SLC71A2: variants seen among roughly 807,000 people sequenced by gnomAD.
The protein encoded by SLC71A2 is solute carrier family 71 member 2.
At chr9:94,411,152 A>T in the SLC71A2 span, among the ~76,000 whole-genome samples, 1 of 148,956 alleles carries the variant, frequency 6.7e-6, no homozygotes, top group African/African-American at 2.5e-5. Context: ...TGTTAATGAG[A>T]CTGTAAGTTC....
At chr9:94,386,639 T>C in the SLC71A2 span, among the ~76,000 whole-genome samples, 1 of 152,130 alleles carries the variant, frequency 6.6e-6, no homozygotes, top group Non-Finnish European at 1.5e-5. Flanking sequence ...CCATTAGCTC[T>C]CACTTTCATG....
chr9:94,403,749 A>G, the SLC71A2 span, among the ~76,000 whole-genome samples: 2 of 152,090 alleles, frequency 1.3e-5, no homozygotes, highest in African/African-American at 2.4e-5. Context: ...CTGCCAAACC[A>G]TTTTCCATAG....
chr9:94,436,179 A>G, the SLC71A2 span, among the ~76,000 whole-genome samples: 1 of 152,082 alleles, frequency 6.6e-6, no homozygotes, highest in East Asian at 1.9e-4. Context: ...AATATTTTTC[A>G]TCCATGATTG....
At chr9:94,414,239 C>T in the SLC71A2 span, among the ~76,000 whole-genome samples, 1 of 152,248 alleles carries the variant, frequency 6.6e-6, no homozygotes, top group East Asian at 1.9e-4. Flanking sequence ...TTAAAAAGTT[C>T]ACTCTGAGTG....
the SLC71A2 span, chr9:94,441,196 C>T: frequency 3.5e-6 from 2 of 569,750 alleles, no homozygotes; most frequent in East Asian, 3.1e-5. Context: ...CTTTCTTGCA[C>T]TGCTGTAAAG....
chr9:94,404,501 G>C, the SLC71A2 span, among the ~76,000 whole-genome samples: 51 of 152,088 alleles, frequency 3.4e-4, no homozygotes, highest in African/African-American at 1.2e-3. Flanking sequence ...TCACCATGTT[G>C]GCCAGGGTGG....
At chr9:94,440,848 G>C in the SLC71A2 span, 1 of 429,542 alleles carries the variant, frequency 2.3e-6, no homozygotes, top group South Asian at 5.6e-5. Context: ...AATTTTTTTT[G>C]ATATATTTAA....
the SLC71A2 span, among the ~76,000 whole-genome samples, chr9:94,422,523 A>G: frequency 6.6e-6 from 1 of 152,172 alleles, no homozygotes; most frequent in Non-Finnish European, 1.5e-5. Context: ...TTCTTGGGGT[A>G]TATATCTGGG....
chr9:94,378,126 CA>C, the SLC71A2 span, among the ~76,000 whole-genome samples: 109 of 141,326 alleles, frequency 7.7e-4, no homozygotes, highest in African/African-American at 9.2e-4. Flanking sequence ...ACTCCATTTC[CA>C]AAAAAAAAAA....
At chr9:94,453,573 C>T in the SLC71A2 span, among the ~76,000 whole-genome samples, 1 of 152,326 alleles carries the variant, frequency 6.6e-6, no homozygotes, top group South Asian at 2.1e-4. Context: ...AGCAGAAGCT[C>T]TCATATTCTG....
At chr9:94,436,533 TAATC>T in the SLC71A2 span, among the ~76,000 whole-genome samples, 2 of 152,232 alleles carry the variant, frequency 1.3e-5, no homozygotes, top group Non-Finnish European at 2.9e-5. Flanking sequence ...GTATTAATAA[TAATC>T]CTTCTTTTGT....
the SLC71A2 span, among the ~76,000 whole-genome samples, chr9:94,390,458 G>A: frequency 3.3e-5 from 5 of 151,108 alleles, no homozygotes; most frequent in Admixed American, 2.6e-4. Context: ...GTCATTTAGA[G>A]AGGGATATGT....
At chr9:94,452,636 CAT>C in the SLC71A2 span, among the ~76,000 whole-genome samples, 1 of 81,632 alleles carries the variant, frequency 1.2e-5, no homozygotes, top group Non-Finnish European at 2.2e-5. Context: ...TATATATTTT[CAT>C]ATATATATTC....
At chr9:94,446,944 G>A in the SLC71A2 span, 9 of 1,348,066 alleles carry the variant, frequency 6.7e-6, no homozygotes, top group Non-Finnish European at 9.6e-6. Context: ...CAGGTGAGTA[G>A]TGAGTGGCTA....
the SLC71A2 span, among the ~76,000 whole-genome samples, chr9:94,377,468 C>G: frequency 6.8e-6 from 1 of 148,106 alleles, no homozygotes; most frequent in Admixed American, 6.7e-5. Flanking sequence ...TTCTTGGGCT[C>G]AAGCAGTCCT....
At chr9:94,439,662 G>A in the SLC71A2 span, among the ~76,000 whole-genome samples, 2 of 151,246 alleles carry the variant, frequency 1.3e-5, no homozygotes, top group South Asian at 4.2e-4. Context: ...TATTTTCTAC[G>A]AGTTGAAGAA....
chr9:94,422,172 T>C, the SLC71A2 span, among the ~76,000 whole-genome samples: 1 of 152,188 alleles, frequency 6.6e-6, no homozygotes, highest in Admixed American at 6.5e-5. Context: ...TGCCTGGCCA[T>C]TGTTACAGTT....
At chr9:94,376,762 A>G in the SLC71A2 span, among the ~76,000 whole-genome samples, 1 of 74,272 alleles carries the variant, frequency 1.3e-5, no homozygotes, top group Non-Finnish European at 2.6e-5. Flanking sequence ...ATCACAATCT[A>G]TAGGTGATCT....
chr9:94,431,312 C>T, the SLC71A2 span, among the ~76,000 whole-genome samples: 1 of 101,282 alleles, frequency 9.9e-6, no homozygotes, highest in South Asian at 3.1e-4. Flanking sequence ...GACTCCGTCT[C>T]AAAAAAAAAA....
Sources: gnomAD v4.1 joint callset for allele counts (sites outside exome capture counted in the v4.1 genomes callset) on GRCh38, gnomAD v4.1.1 for gene constraint, MANE v1.5 for transcripts, NCBI Gene and HGNC (gene_info 2026-07-23, HGNC 2026-07-21) for gene names.